SHROOM3: variants seen among roughly 807,000 people sequenced by gnomAD.
SHROOM3 encodes protein Shroom3.
In SHROOM3, 47 loss-of-function variants were observed where a neutral mutation model predicts 138.6. That is an observed-to-expected ratio of 0.34 (90% CI 0.27 to 0.43). SHROOM3 has a LOEUF of 0.43. SHROOM3 is among the 20% of genes least tolerant of loss of function. SHROOM3 has a pLI of 1.00. For synonymous variants in SHROOM3, 1,062 were observed against 1,063.3 expected, an observed-to-expected ratio of 1.00 and a Z score of 0.02; for missense variants, 2,491 against 2,596.5, an observed-to-expected ratio of 0.96 and a Z score of 0.88.
At chr4:76,737,257 A>T (rs1477107617) in intron 4 of SHROOM3, among the ~76,000 whole-genome samples, 6 of 143,242 alleles carry the variant, frequency 4.2e-5, no homozygotes, top group Non-Finnish European at 4.5e-5. Flanking sequence ...TCATGGCTTG[A>T]CAGCTCTTTT....
At chr4:76,765,855 C>T (rs1397774192) in intron 9 of SHROOM3, among the ~76,000 whole-genome samples, 1 of 152,144 alleles carries the variant, frequency 6.6e-6, no homozygotes, top group Non-Finnish European at 1.5e-5. Context: ...CTTGAGAAGT[C>T]GAATTTCTAG....
chr4:76,710,766 C>A (rs766556200), intron 3 of SHROOM3, among the ~76,000 whole-genome samples: 6 of 152,098 alleles, frequency 3.9e-5, no homozygotes, highest in Middle Eastern at 3.4e-3. Flanking sequence ...AGCTACTTAC[C>A]CATGTGGGTC....
chr4:76,597,346 A>G (rs754779637), intron 2 of SHROOM3, among the ~76,000 whole-genome samples: 15 of 152,176 alleles, frequency 9.9e-5, no homozygotes, highest in Non-Finnish European at 1.5e-5. Context: ...CATAGACAAA[A>G]TCAATGTGGC....
At chr4:76,699,753 T>C (rs1288312996) in intron 2 of SHROOM3, among the ~76,000 whole-genome samples, 1 of 152,184 alleles carries the variant, frequency 6.6e-6, no homozygotes, top group Non-Finnish European at 1.5e-5. Flanking sequence ...CTGGAGATGA[T>C]TAATGGTACT....
intron 2 of SHROOM3, among the ~76,000 whole-genome samples, chr4:76,659,499 C>G (rs940921351): frequency 2.0e-5 from 3 of 152,236 alleles, no homozygotes; most frequent in African/African-American, 4.8e-5. Context: ...GTTGTTGGCT[C>G]TCTTTGCAAT....
intron 1 of SHROOM3, among the ~76,000 whole-genome samples, chr4:76,490,291 G>T (rs150220837): frequency 7.7e-4 from 117 of 152,256 alleles, no homozygotes; most frequent in African/African-American, 2.6e-3. Flanking sequence ...CTGGAGTGGA[G>T]TTACAAAATT....
chr4:76,510,574 CTAAG>C (rs1732313607), intron 1 of SHROOM3, among the ~76,000 whole-genome samples: 1 of 152,184 alleles, frequency 6.6e-6, no homozygotes, highest in Non-Finnish European at 1.5e-5. Context: ...ACAGTGAGTG[CTAAG>C]TGTTAGCTCT....
chr4:76,599,998 T>A (rs546497187), intron 2 of SHROOM3, among the ~76,000 whole-genome samples: 26 of 147,642 alleles, frequency 1.8e-4, no homozygotes, highest in Middle Eastern at 6.9e-3. Context: ...ATTTTTTTTT[T>A]AAATTAGCCA....
At chr4:76,627,096 A>T (rs1236658848) in intron 2 of SHROOM3, among the ~76,000 whole-genome samples, 1 of 152,150 alleles carries the variant, frequency 6.6e-6, no homozygotes, top group Non-Finnish European at 1.5e-5. Flanking sequence ...CAGTATATAG[A>T]TCGTGTGTGG....
intron 1 of SHROOM3, among the ~76,000 whole-genome samples, chr4:76,539,265 C>T (rs897783792): frequency 1.3e-5 from 2 of 152,092 alleles, no homozygotes; most frequent in Non-Finnish European, 2.9e-5. Flanking sequence ...CTTCCTTCAC[C>T]TTTATGTTAA....
At chr4:76,541,180 A>G (rs1000677439) in intron 1 of SHROOM3, among the ~76,000 whole-genome samples, 3 of 152,186 alleles carry the variant, frequency 2.0e-5, no homozygotes, top group African/African-American at 7.2e-5. Flanking sequence ...TATACATATT[A>G]TGTTTCCATG....
Position 76,740,656 on chromosome 4 carries a change from C to T in SHROOM3, c.2483C>T (p.Thr828Ile), listed in dbSNP as rs1309597081. ...ACTTCTGGGAATGACTTCGAGGAGA[C>T]AAAAGCACACATTCGTTTCTCTGAG... ...SSTSGNDFEETKAHIRFSESA... is the reference protein window; with the variant it reads ...SSTSGNDFEEIKAHIRFSESA... The change falls in exon 5 of 11, where the codon ACA becomes ATA. Residue 828 changes from threonine (T) to isoleucine (I), a missense_variant. Physicochemically the swap from Thr to Ile is moderately conservative, Grantham distance 89. Transcript: ENST00000296043. This position sits in a 1 kb window ranked among gnomAD's most constrained non-coding sequence, Gnocchi z 4.0. 6.2e-6 allele frequency: 10 copies of T among 1,614,078 alleles called. No homozygotes were observed. The highest frequency in any genetic ancestry group is 2.2e-5 in the East Asian group (1 of 44,888).
At chr4:76,464,194 G>A (rs753821799) in intron 1 of SHROOM3, among the ~76,000 whole-genome samples, 1 of 152,226 alleles carries the variant, frequency 6.6e-6, no homozygotes, top group Non-Finnish European at 1.5e-5. Flanking sequence ...AGCCACCTAA[G>A]GCCTTGAGAG....
intron 2 of SHROOM3, among the ~76,000 whole-genome samples, chr4:76,585,914 G>A (rs1310577287): frequency 1.3e-5 from 2 of 152,238 alleles, no homozygotes; most frequent in African/African-American, 2.4e-5. Flanking sequence ...AGGAAGGGCA[G>A]ATAAAGCTGC....
Position 76,779,607 on chromosome 4 carries a change from A to G in SHROOM3, c.*430A>G, listed in dbSNP as rs1389954876. The G allele has an allele frequency of 6.2e-6, 1 of 161,076 alleles. No individual in the cohort carries two copies. Among genetic ancestry groups the G allele is most frequent in the African/African-American group, 2.4e-5 (1 of 41,550 alleles). 10.0% of individuals were successfully genotyped at this position (161,076 alleles called of 1,614,324 possible). A position where few individuals can be genotyped will look rare whatever the true frequency, so the allele number is the denominator to read the frequency against. On this transcript the variant is annotated 3_prime_UTR_variant, in exon 11 of 11. Transcript: ENST00000296043. ...TGAAGGGTCTGCAACATAAAGCCTT[A>G]AAAAGACACACACTAAGAAAACTGT...
At chr4:76,695,231 G>T (rs1311382601) in intron 2 of SHROOM3, among the ~76,000 whole-genome samples, 1 of 152,200 alleles carries the variant, frequency 6.6e-6, no homozygotes, top group African/African-American at 2.4e-5. Flanking sequence ...AAGTCCACCT[G>T]TGAGGTGGTC....
At chr4:76,476,248 G>A (rs1371183922) in intron 1 of SHROOM3, among the ~76,000 whole-genome samples, 2 of 152,174 alleles carry the variant, frequency 1.3e-5, no homozygotes, top group African/African-American at 2.4e-5. Context: ...GAAGGATTTG[G>A]TTACCTAATT....
chr4:76,568,227 C>T (rs1242406478), intron 2 of SHROOM3, among the ~76,000 whole-genome samples: 2 of 152,190 alleles, frequency 1.3e-5, no homozygotes, highest in Non-Finnish European at 2.9e-5. Context: ...CTCAGCTTTA[C>T]AACATTTACT....
chr4:76,735,745 CAGG>C (rs1249295493), intron 4 of SHROOM3, among the ~76,000 whole-genome samples: 1 of 146,746 alleles, frequency 6.8e-6, no homozygotes, highest in African/African-American at 2.5e-5. Flanking sequence ...GAGGCTGAGG[CAGG>C]AGAATTGCTT....
Sources: gnomAD v4.1 joint callset for allele counts (sites outside exome capture counted in the v4.1 genomes callset) on GRCh38, gnomAD v4.1.1 for gene constraint, Gnocchi (gnomAD v3.1) non-coding constraint, MANE v1.5 for transcripts, NCBI Gene and HGNC (gene_info 2026-07-23, HGNC 2026-07-21) for gene names.